LRRIQ1: variants seen among roughly 807,000 people sequenced by gnomAD.
The protein encoded by LRRIQ1 is leucine rich repeats and IQ motif containing 1.
LRRIQ1 carries 210 observed loss-of-function variants against 211.9 expected under a neutral mutation model. The observed-to-expected ratio is 0.99, with a 90% CI of 0.89 to 1.11. The LOEUF (loss-of-function observed/expected upper bound fraction) is 1.11, where lower values mean the gene tolerates loss of function less well. Ranked by LOEUF, LRRIQ1 falls within the 50% of genes most tolerant of loss-of-function variation. The pLI is 0.00. For synonymous variants in LRRIQ1, 699 were observed against 650.1 expected (o/e 1.08, Z -1.14); for missense variants, 2,136 against 1,939.5 (o/e 1.10, Z -1.90).
intron 18 of LRRIQ1, among the ~76,000 whole-genome samples, chr12:85,131,480 A>G (rs545928564): frequency 1.3e-5 from 2 of 152,152 alleles, no homozygotes; most frequent in African/African-American, 4.8e-5. Context: ...CACTTAAAGG[A>G]TATGAGCTAC....
chr12:85,138,559 G>A (rs1003868519), intron 19 of LRRIQ1, among the ~76,000 whole-genome samples: 3 of 151,412 alleles, frequency 2.0e-5, no homozygotes, highest in Non-Finnish European at 3.0e-5. Context: ...ACTGCAGGAA[G>A]GTGATGAAGT....
intron 15 of LRRIQ1, 62 bp downstream of exon 15, chr12:85,106,677 T>C: frequency 1.8e-6 from 2 of 1,141,026 alleles, no homozygotes; most frequent in Non-Finnish European, 1.3e-6. Flanking sequence ...AAAAGTTTGA[T>C]AAAAATTGTC....
At chr12:85,203,623 G>A (rs905106487) in intron 24 of LRRIQ1, among the ~76,000 whole-genome samples, 6 of 152,128 alleles carry the variant, frequency 3.9e-5, no homozygotes, top group African/African-American at 1.4e-4. Context: ...TGGAGCAAAG[G>A]TGTGTCTTGT....
intron 15 of LRRIQ1, among the ~76,000 whole-genome samples, chr12:85,121,465 A>C (rs1887979234): frequency 6.6e-6 from 1 of 152,188 alleles, no homozygotes; most frequent in Non-Finnish European, 1.5e-5. Flanking sequence ...TAGAAGAAAA[A>C]GGTTAAAGAA....
At chr12:85,165,290 C>T (rs904016166) in intron 24 of LRRIQ1, among the ~76,000 whole-genome samples, 1 of 151,936 alleles carries the variant, frequency 6.6e-6, no homozygotes, top group Non-Finnish European at 1.5e-5. Flanking sequence ...CTGGTTTCCT[C>T]CCTCTCTCCC....
chr12:85,215,948 C>T (rs1041701536), intron 24 of LRRIQ1, among the ~76,000 whole-genome samples: 17 of 152,096 alleles, frequency 1.1e-4, no homozygotes, highest in Non-Finnish European at 2.5e-4. Flanking sequence ...ATGTGCTAAA[C>T]ATTATAAAGG....
intron 3 of LRRIQ1, among the ~76,000 whole-genome samples, chr12:85,041,208 T>C (rs1275340469): frequency 6.6e-6 from 1 of 151,772 alleles, no homozygotes; most frequent in Non-Finnish European, 1.5e-5. Flanking sequence ...AAATGGCATT[T>C]ATGTATTAGT....
rs57209073 is a variant in LRRIQ1, at chr12:85,081,256, A to C, written c.2887+8158A>C. Among the ~76,000 whole-genome samples the C allele has an allele frequency of 2.8e-3, 432 of 152,238 alleles. 5 individuals are homozygous for C. The highest frequency in any genetic ancestry group is 9.8e-3 in the African/African-American group (406 of 41,552). On this transcript the variant is annotated intron_variant, in intron 11 of 26. Transcript: ENST00000393217. ...GTGATCTTCTCACTTTTGAATCTTA[A>C]CCGTATGATTCGGTAGTACCATTTT... is the stretch of plus-strand genomic sequence containing the variant.
intron 11 of LRRIQ1, among the ~76,000 whole-genome samples, chr12:85,088,339 G>A (rs1236210298): frequency 1.3e-5 from 2 of 152,154 alleles, no homozygotes; most frequent in Non-Finnish European, 2.9e-5. Context: ...TGCTGTTGTG[G>A]TTACTGTAGG....
At chr12:85,183,921 A>G (rs1892109643) in intron 24 of LRRIQ1, among the ~76,000 whole-genome samples, 2 of 152,232 alleles carry the variant, frequency 1.3e-5, no homozygotes, top group Non-Finnish European at 2.9e-5. Context: ...ACATACAGGC[A>G]TAACCTTACT....
At chr12:85,136,874 C>T (rs1352516286) in intron 18 of LRRIQ1, among the ~76,000 whole-genome samples, 1 of 151,714 alleles carries the variant, frequency 6.6e-6, no homozygotes, top group African/African-American at 2.4e-5. Flanking sequence ...TATTCCACAG[C>T]ATGAAACATT....
intron 1 of LRRIQ1, among the ~76,000 whole-genome samples, chr12:85,258,943 CT>C (rs1456226813): frequency 6.6e-6 from 1 of 151,844 alleles, no homozygotes; most frequent in Non-Finnish European, 1.5e-5. Flanking sequence ...TATTAAATTA[CT>C]TATCAAAACA....
At chr12:85,204,146 G>T (rs1229348661) in intron 24 of LRRIQ1, among the ~76,000 whole-genome samples, 3 of 152,190 alleles carry the variant, frequency 2.0e-5, no homozygotes, top group Non-Finnish European at 4.4e-5. Flanking sequence ...TGTGGCTTCA[G>T]ATGGTGCAAG....
At chr12:85,231,150 A>T (rs1448118089) in intron 25 of LRRIQ1, among the ~76,000 whole-genome samples, 1 of 152,224 alleles carries the variant, frequency 6.6e-6, no homozygotes. Flanking sequence ...AAACACACAA[A>T]CAAAAAGCTA....
intron 24 of LRRIQ1, among the ~76,000 whole-genome samples, chr12:85,176,049 A>C (rs1167488348): frequency 6.6e-6 from 1 of 152,066 alleles, no homozygotes; most frequent in African/African-American, 2.4e-5. Context: ...GAAGAAAGTC[A>C]TTGGTAGCTT....
At chr12:85,175,902 A>G (rs1388292231) in intron 24 of LRRIQ1, among the ~76,000 whole-genome samples, 1 of 152,088 alleles carries the variant, frequency 6.6e-6, no homozygotes, top group Non-Finnish European at 1.5e-5. Flanking sequence ...TTTTTTGGTT[A>G]CTGTAGCCTT....
intron 24 of LRRIQ1, among the ~76,000 whole-genome samples, chr12:85,211,601 C>T (rs549013039): frequency 1.2e-3 from 184 of 152,266 alleles, no homozygotes; most frequent in Non-Finnish European, 2.0e-3. Context: ...AAGTTTGCAT[C>T]CACCAGAAAT....
rs146118842 is a variant in LRRIQ1, at chr12:85,091,977, A to G, written c.2888-6378A>G. Among the ~76,000 whole-genome samples, 304 of 152,238 alleles carry G rather than the reference A, an allele frequency of 2.0e-3. 1 individual carries two copies. The highest frequency in any genetic ancestry group is 3.7e-3 in the Non-Finnish European group (249 of 68,016). On this transcript the variant is annotated intron_variant, in intron 11 of 26. Coordinates refer to ENST00000393217, the MANE Select transcript of LRRIQ1 (RefSeq NM_001079910.2). ...TTTACAATGGCTCACTGCTGTTTGCATTACTGCCTGAGCTCCACCACCTGT... is the reference window on the plus strand; with the variant it reads ...TTTACAATGGCTCACTGCTGTTTGCGTTACTGCCTGAGCTCCACCACCTGT...
intron 24 of LRRIQ1, among the ~76,000 whole-genome samples, chr12:85,215,658 G>A (rs1894043228): frequency 6.6e-6 from 1 of 152,042 alleles, no homozygotes; most frequent in Admixed American, 6.6e-5. Context: ...TTCCATCCAT[G>A]TCCCTGCTGA....
Sources: allele counts gnomAD v4.1 joint callset (sites outside exome capture counted in the v4.1 genomes callset), GRCh38; gene constraint gnomAD v4.1.1; transcripts MANE v1.5; gene names NCBI Gene and HGNC (gene_info 2026-07-23, HGNC 2026-07-21).